USP25: variants seen among roughly 807,000 people sequenced by gnomAD.
USP25 encodes the protein ubiquitin specific peptidase 25, also known as ubiquitin carboxyl-terminal hydrolase 25.
USP25 carries 85 observed loss-of-function variants against 158.5 expected under a neutral mutation model. The ratio of observed to expected loss-of-function variants is 0.54; its 90% confidence interval spans 0.45 to 0.64. The LOEUF (loss-of-function observed/expected upper bound fraction) is 0.64, where lower values mean the gene tolerates loss of function less well. USP25 is among the 30% of genes least tolerant of loss of function. The pLI, the probability that USP25 is intolerant of heterozygous loss-of-function variation, is 0.00. For synonymous variants in USP25, 464 were observed against 460.4 expected, an observed-to-expected ratio of 1.01 and a Z score of -0.10; for missense variants, 1,242 against 1,327.3, an observed-to-expected ratio of 0.94 and a Z score of 1.00.
intron 15 of USP25, 41 bp downstream of exon 15, chr21:15,830,642 T>A (rs1430859909): frequency 7.0e-7 from 1 of 1,421,354 alleles, no homozygotes; most frequent in Non-Finnish European, 9.6e-7. Flanking sequence ...TCAAAATTAT[T>A]TACATATATT....
At chr21:15,858,867 A>T (rs1479101350) in intron 20 of USP25, among the ~76,000 whole-genome samples, 1 of 151,912 alleles carries the variant, frequency 6.6e-6, no homozygotes, top group African/African-American at 2.4e-5. Context: ...TAGAAATTTT[A>T]TAATATACCT....
chr21:15,809,845 A>G (rs115835306), intron 8 of USP25, among the ~76,000 whole-genome samples: 121 of 152,284 alleles, frequency 7.9e-4, no homozygotes, highest in African/African-American at 2.7e-3. Context: ...GTTCTGACAT[A>G]TGGTGTAACA....
chr21:15,875,006 A>G lies in USP25; in HGVS notation c.3009+480A>G, dbSNP rs951318039. Among the ~76,000 whole-genome samples the G allele has an allele frequency of 1.6e-4, 25 of 152,102 alleles. No individual in the cohort carries two copies. Among genetic ancestry groups the G allele is most frequent in the African/African-American group, 5.8e-4 (24 of 41,404 alleles). ...GTGGTGAAACCCCATCTCGACTAAA[A>G]TACACAAACACAAAAATTAGCTGGA... On this transcript the variant is annotated intron_variant, in intron 24 of 25. Transcript: ENST00000400183. This position sits in a 1 kb window ranked among gnomAD's most constrained non-coding sequence, Gnocchi z 4.7.
chr21:15,809,269 C>T (rs2036539095), intron 8 of USP25, among the ~76,000 whole-genome samples: 1 of 152,152 alleles, frequency 6.6e-6, no homozygotes, highest in Non-Finnish European at 1.5e-5. Flanking sequence ...TATCTGTTCA[C>T]TCAGGGCCCC....
intron 18 of USP25, among the ~76,000 whole-genome samples, chr21:15,844,691 A>G (rs151082191): frequency 2.4e-3 from 362 of 152,308 alleles, no homozygotes; most frequent in African/African-American, 8.3e-3. Context: ...TTTTCAATAT[A>G]GAAGAGTAGA....
chr21:15,827,765 C>CGTGTGTGTGTGTGT (rs34923569), intron 14 of USP25, among the ~76,000 whole-genome samples: 10 of 136,810 alleles, frequency 7.3e-5, no homozygotes, highest in Non-Finnish European at 1.6e-4. Context: ...TGTGCGTGTG[C>CGTGTGTGTGTGTGT]GTGTGTGTGT....
At chr21:15,743,171 G>T (rs1461709192) in intron 1 of USP25, among the ~76,000 whole-genome samples, 1 of 152,162 alleles carries the variant, frequency 6.6e-6, no homozygotes, top group African/African-American at 2.4e-5. Context: ...GTTCTAGTTC[G>T]AGGGGTCCTG....
intron 22 of USP25, among the ~76,000 whole-genome samples, chr21:15,869,196 C>T (rs1471586665): frequency 6.6e-6 from 1 of 150,964 alleles, no homozygotes; most frequent in South Asian, 2.1e-4. Flanking sequence ...TGCAGTTAGC[C>T]GTGATCGTGC....
chr21:15,771,478 C>T (rs555918198), intron 3 of USP25, among the ~76,000 whole-genome samples: 2 of 152,150 alleles, frequency 1.3e-5, no homozygotes, highest in South Asian at 2.1e-4. Context: ...GAAGGTTGTG[C>T]GTCCCAGACC....
intron 23 of USP25, 80 bp downstream of exon 23, chr21:15,870,227 AG>A: frequency 1.1e-6 from 1 of 904,346 alleles, no homozygotes; most frequent in Non-Finnish European, 1.7e-6. Context: ...TCCATGGAAA[AG>A]ATTTTATTCA....
chr21:15,747,326 A>T (rs1054950971), intron 1 of USP25, among the ~76,000 whole-genome samples: 1 of 152,066 alleles, frequency 6.6e-6, no homozygotes, highest in East Asian at 1.9e-4. Flanking sequence ...TTCACATAAC[A>T]TACTGTATAT....
At chr21:15,802,506 C>T (rs954945753) in intron 6 of USP25, among the ~76,000 whole-genome samples, 2 of 151,062 alleles carry the variant, frequency 1.3e-5, no homozygotes, top group Non-Finnish European at 3.0e-5. Context: ...ACAGAAAATC[C>T]CCAGATAGTT....
chr21:15,799,526 T>C (rs1309971537), intron 5 of USP25: 1 of 330,726 alleles, frequency 3.0e-6, no homozygotes, highest in Non-Finnish European at 5.6e-6. Context: ...GAGTAGTATA[T>C]TTAAAAAGTT....
chr21:15,849,959 T>G (rs2038807821), intron 20 of USP25, 87 bp downstream of exon 20: 2 of 1,080,862 alleles, frequency 1.9e-6, no homozygotes. Flanking sequence ...TCAGTTTGGT[T>G]TTCTGTATAA....
chr21:15,756,879 A>G (rs975081600), intron 1 of USP25, among the ~76,000 whole-genome samples: 9 of 152,052 alleles, frequency 5.9e-5, no homozygotes, highest in African/African-American at 2.2e-4. Context: ...TTAACTAGAG[A>G]AAAAAAATCC....
At chr21:15,830,164 T>C (rs766737976) in intron 14 of USP25, among the ~76,000 whole-genome samples, 2 of 152,168 alleles carry the variant, frequency 1.3e-5, no homozygotes, top group South Asian at 4.1e-4. Flanking sequence ...GTACAAGATA[T>C]GTGGTGAACA....
At chr21:15,830,429 T>G in intron 14 of USP25, 102 bp from the exon 15 acceptor site, 1 of 940,028 alleles carries the variant, frequency 1.1e-6, no homozygotes, top group Non-Finnish European at 1.6e-6. Flanking sequence ...TTAGGAAAAT[T>G]TTCCTATTCC....
intron 20 of USP25, among the ~76,000 whole-genome samples, chr21:15,855,704 C>A (rs972556189): frequency 6.6e-6 from 1 of 152,316 alleles, no homozygotes; most frequent in Middle Eastern, 3.4e-3. Context: ...GGCTCTCAGA[C>A]TTGTACTTCC....
chr21:15,753,675 A>G (rs1011611027), intron 1 of USP25, among the ~76,000 whole-genome samples: 11 of 150,994 alleles, frequency 7.3e-5, no homozygotes, highest in Admixed American at 6.6e-4. Flanking sequence ...GGCCTGATAT[A>G]TGTATGCTTC....
Sources: gnomAD v4.1 joint callset for allele counts (sites outside exome capture counted in the v4.1 genomes callset) on GRCh38, gnomAD v4.1.1 for gene constraint, Gnocchi (gnomAD v3.1) non-coding constraint, MANE v1.5 for transcripts, NCBI Gene and HGNC (gene_info 2026-07-23, HGNC 2026-07-21) for gene names.